FGF12: variants seen among roughly 807,000 people sequenced by gnomAD.
FGF12 encodes fibroblast growth factor 12, also known as fibroblast growth factor 12B.
In FGF12, 14 loss-of-function variants were observed where a neutral mutation model predicts 23.6. The ratio of observed to expected loss-of-function variants is 0.59; its 90% CI spans 0.39 to 0.93. The LOEUF (loss-of-function observed/expected upper bound fraction) is 0.93. Ranked by LOEUF, FGF12 falls within the 40% of genes least tolerant of loss-of-function variation. The pLI, the probability that FGF12 is intolerant of heterozygous loss-of-function variation, is 0.00. For synonymous variants in FGF12, 62 were observed against 77.3 expected, an observed-to-expected ratio of 0.80 and a Z score of 1.04; for missense variants, 175 against 217.8, an observed-to-expected ratio of 0.80 and a Z score of 1.24.
intron 4 of FGF12, among the ~76,000 whole-genome samples, chr3:192,240,551 G>A (rs888982007): frequency 6.6e-5 from 10 of 152,178 alleles, no homozygotes; most frequent in African/African-American, 1.9e-4. Flanking sequence ...GACATCAGAA[G>A]TAGTTGTTGA....
At chr3:192,381,993 A>AC (rs2108753921) in intron 2 of FGF12, among the ~76,000 whole-genome samples, 1 of 148,362 alleles carries the variant, frequency 6.7e-6, no homozygotes. Flanking sequence ...CTAGCATAAC[A>AC]CTTTTTTTTT....
rs1183824955 is a variant in FGF12, at chr3:192,405,637, AAG to A, written c.14-45101_14-45100del. Among the ~76,000 whole-genome samples the A allele has an allele frequency of 6.9e-3, 1,018 of 147,420 alleles. 14 individuals are homozygous for A. Among genetic ancestry groups the A allele is most frequent in the African/African-American group, 0.026 (953 of 37,200 alleles). ...CAAATATTAAGTGAATACAACATCA[AAG>A]TGATTATAAAACAGATTCGAATAGT... is the stretch of plus-strand genomic sequence containing the variant. On this transcript the variant is annotated intron_variant, in intron 2 of 5. Transcript: ENST00000445105.
intron 2 of FGF12, among the ~76,000 whole-genome samples, chr3:192,441,324 A>G (rs1256317671): frequency 6.6e-6 from 1 of 152,076 alleles, no homozygotes; most frequent in Non-Finnish European, 1.5e-5. Flanking sequence ...TGACTGGGGG[A>G]ATCTGAGGGA....
intron 2 of FGF12, among the ~76,000 whole-genome samples, chr3:192,703,610 T>G (rs780402456): frequency 6.6e-6 from 1 of 152,220 alleles, no homozygotes; most frequent in Non-Finnish European, 1.5e-5. Flanking sequence ...ACAGTAGAAC[T>G]TCTTTCAAAA....
intron 2 of FGF12, among the ~76,000 whole-genome samples, chr3:192,623,218 G>A (rs1715039559): frequency 6.6e-6 from 1 of 152,204 alleles, no homozygotes; most frequent in East Asian, 1.9e-4. Context: ...CAAAAGTGAA[G>A]TCAGTACCAA....
At position 192,649,042 on chromosome 3, in the gene FGF12, G is replaced by T. The variant is rs115871195; in HGVS notation, c.13+78139C>A. 3.2e-3 allele frequency among the ~76,000 whole-genome samples: 492 copies of T among 152,294 alleles called. 4 individuals carry two copies. The highest frequency in any genetic ancestry group is 0.011 in the African/African-American group (467 of 41,576). ...CAATCTTAAGGGGTCACTCTATCAT[G>T]TTAAAAATCAGCACAAGCAGGGTGT... is the stretch of plus-strand genomic sequence containing the variant. On this transcript the variant is annotated intron_variant, in intron 2 of 5. Coordinates refer to ENST00000445105, the MANE Select transcript of FGF12 (RefSeq NM_004113.6).
intron 2 of FGF12, among the ~76,000 whole-genome samples, chr3:192,676,960 T>C (rs1717345935): frequency 6.6e-6 from 1 of 152,214 alleles, no homozygotes; most frequent in Non-Finnish European, 1.5e-5. Flanking sequence ...TTGTGGTACT[T>C]TGTTACAGCA....
intron 4 of FGF12, among the ~76,000 whole-genome samples, chr3:192,289,688 A>T (rs950613198): frequency 6.6e-6 from 1 of 152,112 alleles, no homozygotes; most frequent in Non-Finnish European, 1.5e-5. Flanking sequence ...TTGTTTATTC[A>T]CTACAAAATT....
At chr3:192,380,614 A>G (rs1241705859) in intron 2 of FGF12, among the ~76,000 whole-genome samples, 1 of 152,222 alleles carries the variant, frequency 6.6e-6, no homozygotes, top group Non-Finnish European at 1.5e-5. Flanking sequence ...CAGAAATTCT[A>G]ATTTCTGATA....
At chr3:192,159,930 G>C (rs1030055211) in intron 5 of FGF12, among the ~76,000 whole-genome samples, 2 of 147,478 alleles carry the variant, frequency 1.4e-5, no homozygotes, top group Non-Finnish European at 3.0e-5. Flanking sequence ...ATTTTAAAAT[G>C]TCATATTTAA....
In FGF12 at chr3:192,512,858, AT is replaced by A. The variant is rs1274455484; in HGVS notation, c.14-152321del. 5.9e-4 allele frequency among the ~76,000 whole-genome samples: 80 copies of A among 136,742 alleles called. 5 individuals carry two copies. The highest frequency in any genetic ancestry group is 1.7e-3 in the African/African-American group (63 of 37,398). 89.7% of individuals were successfully genotyped at this position (136,742 alleles called of 152,430 possible). Reference sequence around the variant, plus strand: ...TAAATATATATATATATATATATATATAACAGGCTATGTCTATCATTTCCAC... The same window carrying A: ...TAAATATATATATATATATATATATAAACAGGCTATGTCTATCATTTCCAC... On this transcript the variant is annotated intron_variant, in intron 2 of 5. Coordinates refer to ENST00000445105, the MANE Select transcript of FGF12 (RefSeq NM_004113.6).
intron 2 of FGF12, among the ~76,000 whole-genome samples, chr3:192,379,421 TAAAAA>T (rs74271639): frequency 1.0e-5 from 1 of 96,330 alleles, no homozygotes; most frequent in African/African-American, 3.4e-5. Context: ...GAAACTGCTC[TAAAAA>T]AAAAAAAAAA....
intron 2 of FGF12, among the ~76,000 whole-genome samples, chr3:192,392,590 CCGAGAGAGAGAGAG>C (rs1720345976): frequency 2.2e-5 from 2 of 89,086 alleles, no homozygotes; most frequent in African/African-American, 1.1e-4. Flanking sequence ...AAGTGAAACT[CCGAGAGAGAGAGAG>C]AGAGAGAGAG....
At chr3:192,677,363 C>G (rs1271587825) in intron 2 of FGF12, among the ~76,000 whole-genome samples, 1 of 152,128 alleles carries the variant, frequency 6.6e-6, no homozygotes, top group Non-Finnish European at 1.5e-5. Flanking sequence ...GATGAGTAGG[C>G]CAAAGAAAAA....
intron 4 of FGF12, chr3:192,238,562 G>A (rs1719428711): frequency 6.6e-6 from 1 of 152,162 alleles, no homozygotes; most frequent in African/African-American, 2.4e-5. Flanking sequence ...TGACTGAACT[G>A]TAATTTTTAA....
chr3:192,679,932 C>T (rs1410480088), intron 2 of FGF12, among the ~76,000 whole-genome samples: 3 of 152,154 alleles, frequency 2.0e-5, no homozygotes, highest in Non-Finnish European at 4.4e-5. Flanking sequence ...ATCCTCTCTT[C>T]TACTCCCTGA....
intron 2 of FGF12, among the ~76,000 whole-genome samples, chr3:192,467,583 G>A (rs1214713846): frequency 2.0e-5 from 3 of 152,200 alleles, no homozygotes; most frequent in Admixed American, 6.5e-5. Flanking sequence ...CAGGTTGGCT[G>A]CCTCTGACAT....
intron 5 of FGF12, among the ~76,000 whole-genome samples, chr3:192,168,982 C>G (rs1390628101): frequency 6.6e-6 from 1 of 152,040 alleles, no homozygotes; most frequent in Non-Finnish European, 1.5e-5. Context: ...AGACATTTTC[C>G]AGGCAGATGA....
At chr3:192,527,952 A>T (rs1724992219) in intron 2 of FGF12, among the ~76,000 whole-genome samples, 1 of 152,002 alleles carries the variant, frequency 6.6e-6, no homozygotes, top group African/African-American at 2.4e-5. Flanking sequence ...ACCCACCCCC[A>T]TTATTCAACT....
Sources: gnomAD v4.1 joint callset for allele counts (sites outside exome capture counted in the v4.1 genomes callset) on GRCh38, gnomAD v4.1.1 for gene constraint, MANE v1.5 for transcripts, NCBI Gene and HGNC (gene_info 2026-07-23, HGNC 2026-07-21) for gene names.